VCAN: variants seen among roughly 807,000 people sequenced by gnomAD.
VCAN encodes versican, also known as versican core protein.
VCAN carries 44 observed loss-of-function variants against 245.5 expected under a neutral mutation model. The ratio of observed to expected loss-of-function variants is 0.18; its 90% CI spans 0.14 to 0.23. The LOEUF is 0.23. Ranked by LOEUF, VCAN falls within the 10% of genes least tolerant of loss-of-function variation. The pLI, the probability that VCAN is intolerant of heterozygous loss-of-function variation, is 1.00. For synonymous variants in VCAN, 1,413 were observed against 1,437.0 expected, an observed-to-expected ratio of 0.98 and a Z score of 0.38; for missense variants, 3,793 against 4,057.9, an observed-to-expected ratio of 0.93 and a Z score of 1.77.
chr5:83,572,889 AT>A lies in VCAN; in HGVS notation c.9880+332del, dbSNP rs1489856837. Among the ~76,000 whole-genome samples, 7 of 149,522 alleles carry A rather than the reference AT, an allele frequency of 4.7e-5. 1 individual carries two copies. The South Asian group carries it at 6.3e-4, about 13-fold the overall frequency. ...TATTTATTTATTTATTTATTTATTTATTTATTTATTTATTATTATTATTGTT... is the reference window on the plus strand; with the variant it reads ...TATTTATTTATTTATTTATTTATTTATTATTTATTTATTATTATTATTGTT... On this transcript the variant is annotated intron_variant, in intron 13 of 14. Coordinates refer to ENST00000265077, the MANE Select transcript of VCAN (RefSeq NM_004385.5).
At chr5:83,557,121 G>A (rs1193564729) in intron 12 of VCAN, among the ~76,000 whole-genome samples, 3 of 152,062 alleles carry the variant, frequency 2.0e-5, no homozygotes, top group Non-Finnish European at 4.4e-5. Context: ...CCTGTTGTCT[G>A]GGTTCCTGTA....
At position 83,539,870 on chromosome 5, in the gene VCAN, A is replaced by G. The variant is rs1746896209; in HGVS notation, c.6867A>G (p.Gln2289=). 2.5e-6 allele frequency: 4 copies of G among 1,614,118 alleles called. No homozygotes were observed. The East Asian group carries it at 6.7e-5, about 27-fold the overall frequency. Residue 2289 remains glutamine, a synonymous_variant, in exon 8 of 15, where the codon CAA becomes CAG. Transcript: ENST00000265077. Reference sequence around the variant, plus strand: ...ACACATTATATCCCCACACTTCTCAAGTGGAAAGTACCTCAAGTGACAAAA... The same window carrying G: ...ACACATTATATCCCCACACTTCTCAGGTGGAAAGTACCTCAAGTGACAAAA... ...INNTLYPHTS[Q]VESTSSDKIE...
chr5:83,537,940 A>C lies in VCAN; in HGVS notation c.4937A>C (p.Glu1646Ala). The C allele has an allele frequency of 1.2e-6, 2 of 1,613,742 alleles. No individual in the cohort carries two copies. Among genetic ancestry groups the C allele is most frequent in the African/African-American group, 2.7e-5 (2 of 74,966 alleles). ...IPITEGSGEA[E>A]EDEDTMFTMV... is the part of the protein sequence containing the mutation. The stretch of plus-strand genomic sequence containing the variant: ...ATTACAGAAGGCTCTGGAGAAGCAG[A>C]AGAAGATGAAGATACAATGTTCACC... Residue 1646 changes from glutamate (E) to alanine (A), a missense_variant, in exon 8 of 15, where the codon GAA becomes GCA. By Grantham distance (107) the Glu-to-Ala change is moderately radical. Transcript: ENST00000265077.
chr5:83,503,494 T>C (rs1006951577), intron 5 of VCAN, among the ~76,000 whole-genome samples: 1 of 152,216 alleles, frequency 6.6e-6, no homozygotes, highest in Non-Finnish European at 1.5e-5. Context: ...TGTTGAACTT[T>C]TGTAGTAAAA....
intron 1 of VCAN, among the ~76,000 whole-genome samples, chr5:83,476,092 A>G (rs933392377): frequency 1.3e-5 from 2 of 152,222 alleles, no homozygotes; most frequent in African/African-American, 2.4e-5. Flanking sequence ...AAAGGTGACC[A>G]TGATTAATGT....
At position 83,521,541 on chromosome 5, in the gene VCAN, G is replaced by T; in HGVS notation, c.3235G>T (p.Glu1079Ter). 1 of 1,614,016 alleles carries T rather than the reference G, an allele frequency of 6.2e-7. No homozygotes were observed. Among genetic ancestry groups the T allele is most frequent in the Non-Finnish European group, 8.5e-7 (1 of 1,180,006 alleles). ...ATCAGCATATACAGTCTCTGAAGAT[G>T]AATTGTTGACAGGTTCTGAGAGGGT... ...DGSAYTVSED[E>*]LLTGSERVPV... The change falls in exon 7 of 15, where the codon GAA becomes TAA. Residue 1079 changes from glutamate to a stop codon, truncating the protein, a stop_gained. Coordinates refer to ENST00000265077, the MANE Select transcript of VCAN (RefSeq NM_004385.5). LOFTEE classifies it high-confidence loss of function.
At chr5:83,527,174 AT>A (rs1199856629) in intron 7 of VCAN, among the ~76,000 whole-genome samples, 1 of 152,218 alleles carries the variant, frequency 6.6e-6, no homozygotes, top group Non-Finnish European at 1.5e-5. Flanking sequence ...AGAGTATATA[AT>A]TTAGATTTGG....
Position 83,493,609 on chromosome 5 carries a change from A to G in VCAN, c.509A>G (p.Lys170Arg). 1 of 1,614,058 alleles carries G rather than the reference A, an allele frequency of 6.2e-7. No individual in the cohort carries two copies. Among genetic ancestry groups the G allele is most frequent in the South Asian group, 1.1e-5 (1 of 91,076 alleles). The change falls in exon 4 of 15, where the codon AAG becomes AGG. Residue 170 changes from lysine (K) to arginine (R), a missense_variant. By Grantham distance (26) the Lys-to-Arg change is conservative (BLOSUM62 2). Coordinates refer to ENST00000265077, the MANE Select transcript of VCAN (RefSeq NM_004385.5). The part of the protein sequence containing the change: ...RYTLNFEAAQ[K>R]ACLDVGAVIA... Reference sequence around the variant, plus strand: ...ACACTGAATTTTGAGGCTGCTCAGAAGGCTTGTTTGGACGTTGGGGCAGTC... The same window carrying G: ...ACACTGAATTTTGAGGCTGCTCAGAGGGCTTGTTTGGACGTTGGGGCAGTC...
chr5:83,572,625 ATTTGTGTCTCAAATTCATTG>A, intron 13 of VCAN, 65 bp downstream of exon 13: 1 of 1,597,850 alleles, frequency 6.3e-7, no homozygotes, highest in Non-Finnish European at 8.6e-7. Flanking sequence ...TAATTCAGGA[ATTTGTGTCTCAAATTCATTG>A]TTTGAGACAC....
At chr5:83,567,576 A>T (rs1245734766) in intron 12 of VCAN, among the ~76,000 whole-genome samples, 25 of 152,200 alleles carry the variant, frequency 1.6e-4, no homozygotes. Context: ...CTGGGATAAC[A>T]GGCATGAGAC....
At chr5:83,564,050 G>A (rs531073739) in intron 12 of VCAN, among the ~76,000 whole-genome samples, 137 of 152,298 alleles carry the variant, frequency 9.0e-4, no homozygotes, top group African/African-American at 3.2e-3. Context: ...ATTATGGATA[G>A]AATGGCTTGC....
In VCAN at chr5:83,550,887, C is replaced by CAA. The variant is rs57081110; in HGVS notation, c.9494-2457_9494-2456dup. On this transcript the variant is annotated intron_variant, in intron 10 of 14. Coordinates refer to ENST00000265077, the MANE Select transcript of VCAN (RefSeq NM_004385.5). ...GGGTGACAAGAGTGAGACTCCATCT[C>CAA]AAAAAAAAAAAAAAAAAAAAAGTGA... Among the ~76,000 whole-genome samples, 75 of 50,030 alleles carry CAA rather than the reference C, an allele frequency of 1.5e-3. 5 individuals carry two copies. The highest frequency in any genetic ancestry group is 2.9e-3 in the African/African-American group (36 of 12,246). 32.8% of individuals were successfully genotyped at this position (50,030 alleles called of 152,430 possible). A position where few individuals can be genotyped will look rare whatever the true frequency, so the allele number is the denominator to read the frequency against.
chr5:83,491,808 C>T (rs1261801672), intron 3 of VCAN, among the ~76,000 whole-genome samples: 1 of 152,142 alleles, frequency 6.6e-6, no homozygotes, highest in Non-Finnish European at 1.5e-5. Flanking sequence ...CCTCTTTGTG[C>T]CCCTTTACTG....
intron 7 of VCAN, among the ~76,000 whole-genome samples, chr5:83,522,556 C>A (rs1301138534): frequency 6.6e-6 from 1 of 152,178 alleles, no homozygotes; most frequent in Non-Finnish European, 1.5e-5. Context: ...TCTAATATAA[C>A]CAAATCATCA....
In VCAN at chr5:83,486,134, A is replaced by G. The variant is rs544226348; in HGVS notation, c.70+2546A>G. On this transcript the variant is annotated intron_variant, in intron 2 of 14. Transcript: ENST00000265077. ...GATGTCAAAGTGAGATCCTATCTCA[A>G]TAACTGGTAAATAAATAAATAAATA... is the stretch of plus-strand genomic sequence containing the variant. Among the ~76,000 whole-genome samples the G allele has an allele frequency of 5.9e-5, 9 of 152,216 alleles. No homozygotes were observed. In the South Asian group the frequency reaches 1.9e-3, roughly 32 times the overall value.
intron 12 of VCAN, among the ~76,000 whole-genome samples, chr5:83,558,691 A>G (rs1370529754): frequency 1.3e-5 from 2 of 152,172 alleles, no homozygotes; most frequent in Admixed American, 6.6e-5. Context: ...TTCAACTAGT[A>G]TACTAAATTA....
At chr5:83,477,666 AG>A (rs1248487939) in intron 1 of VCAN, among the ~76,000 whole-genome samples, 2 of 152,230 alleles carry the variant, frequency 1.3e-5, no homozygotes, top group Non-Finnish European at 2.9e-5. Context: ...ATTACACAAA[AG>A]CAAATAATAT....
chr5:83,482,971 G>A (rs923168901), intron 1 of VCAN, among the ~76,000 whole-genome samples: 4 of 152,284 alleles, frequency 2.6e-5, no homozygotes, highest in Non-Finnish European at 4.4e-5. Context: ...AAAGCCTGCC[G>A]AAGTCCTTAT....
chr5:83,553,265 C>T, intron 10 of VCAN, 99 bp from the exon 11 acceptor site: 5 of 1,497,614 alleles, frequency 3.3e-6, no homozygotes, highest in Non-Finnish European at 4.6e-6. Context: ...AGGGACATTG[C>T]ACAGATACTG....
Sources: allele counts gnomAD v4.1 joint callset (sites outside exome capture counted in the v4.1 genomes callset), GRCh38; gene constraint gnomAD v4.1.1; transcripts MANE v1.5; gene names NCBI Gene and HGNC (gene_info 2026-07-23, HGNC 2026-07-21).